The following LCLAT1 variants were observed in gnomAD, a reference collection of about 807,000 sequenced individuals.
LCLAT1 encodes the protein 1-AGP acyltransferase 8.
LCLAT1 carries 11 observed loss-of-function variants against 30.7 expected under a neutral mutation model. That is an observed-to-expected ratio of 0.36 (90% CI 0.23 to 0.59). LCLAT1 has a LOEUF of 0.59. Among genes scored for constraint, LCLAT1 ranks in the 20% least tolerant of loss-of-function variants. LCLAT1 has a pLI of 0.77. For missense variants in LCLAT1, 402 were observed against 458.6 expected (o/e 0.88, Z 1.13); for synonymous variants, 155 against 151.3 (o/e 1.02, Z -0.18).
intron 5 of LCLAT1, among the ~76,000 whole-genome samples, chr2:30,587,610 C>T (rs1666501172): frequency 6.6e-6 from 1 of 152,106 alleles, no homozygotes; most frequent in Non-Finnish European, 1.5e-5. Context: ...GGCTTATTAT[C>T]TAATTTGATT....
chr2:30,469,928 G>A (rs1467874549), intron 1 of LCLAT1, among the ~76,000 whole-genome samples: 3 of 151,932 alleles, frequency 2.0e-5, no homozygotes, highest in Non-Finnish European at 4.4e-5. Context: ...ATGGCGTTTC[G>A]CTGTGTTGGC....
intron 5 of LCLAT1, 135 bp from the exon 6 acceptor site, chr2:30,639,982 T>C (rs1572732561): frequency 4.3e-6 from 3 of 693,542 alleles, no homozygotes; most frequent in East Asian, 2.5e-5. Context: ...CACCAGTATC[T>C]CTAACCCTTG....
At chr2:30,631,379 A>T (rs1668763443) in intron 5 of LCLAT1, among the ~76,000 whole-genome samples, 1 of 152,226 alleles carries the variant, frequency 6.6e-6, no homozygotes, top group Admixed American at 6.5e-5. Flanking sequence ...TAGGGTTGCC[A>T]TGATTAGCTC....
Position 30,640,714 on chromosome 2 carries a change from A to G in LCLAT1, c.*95A>G. The G allele has an allele frequency of 1.5e-6, 2 of 1,372,868 alleles. No homozygotes were observed. Among genetic ancestry groups the G allele is most frequent in the East Asian group, 2.4e-5 (1 of 42,506 alleles). 85.0% of individuals were successfully genotyped at this position (1,372,868 alleles called of 1,614,324 possible). A position where few individuals can be genotyped will look rare whatever the true frequency, so the allele number is the denominator to read the frequency against. ...ATGCATTTTTGCATGACTATGTCGA[A>G]TATTTCTTACTGCCATCATTATTTG... On this transcript the variant is annotated 3_prime_UTR_variant, in exon 6 of 6. Transcript: ENST00000379509.
At chr2:30,604,564 C>T (rs538215117) in intron 5 of LCLAT1, among the ~76,000 whole-genome samples, 9 of 150,106 alleles carry the variant, frequency 6.0e-5, no homozygotes, top group East Asian at 2.0e-4. Flanking sequence ...ATTATACTTT[C>T]GCTTTTTTTC....
At chr2:30,454,060 G>C (rs1393800950) in intron 1 of LCLAT1, among the ~76,000 whole-genome samples, 1 of 152,120 alleles carries the variant, frequency 6.6e-6, no homozygotes, top group African/African-American at 2.4e-5. Flanking sequence ...AAAATATACT[G>C]TACTTGTGTG....
At chr2:30,629,896 A>G (rs185175304) in intron 5 of LCLAT1, among the ~76,000 whole-genome samples, 11 of 152,312 alleles carry the variant, frequency 7.2e-5, no homozygotes, top group African/African-American at 2.6e-4. Flanking sequence ...TGCACGAAAA[A>G]TAAATTATAT....
At chr2:30,521,099 C>T (rs530854068) in intron 1 of LCLAT1, among the ~76,000 whole-genome samples, 11 of 152,260 alleles carry the variant, frequency 7.2e-5, no homozygotes, top group African/African-American at 2.4e-4. Flanking sequence ...ACCAAGATGG[C>T]GACAAGAGTG....
At chr2:30,594,367 A>G (rs1666829842) in intron 5 of LCLAT1, among the ~76,000 whole-genome samples, 1 of 152,156 alleles carries the variant, frequency 6.6e-6, no homozygotes, top group South Asian at 2.1e-4. Flanking sequence ...TACACCCACC[A>G]CCTAGAGTCT....
chr2:30,577,882 A>G (rs1666062934), intron 5 of LCLAT1, among the ~76,000 whole-genome samples: 1 of 152,078 alleles, frequency 6.6e-6, no homozygotes, highest in Non-Finnish European at 1.5e-5. Flanking sequence ...AATATTTTTC[A>G]CTAAGAAATA....
intron 1 of LCLAT1, among the ~76,000 whole-genome samples, chr2:30,461,373 AT>A (rs963512563): frequency 2.6e-5 from 4 of 151,404 alleles, no homozygotes; most frequent in African/African-American, 9.7e-5. Flanking sequence ...TAAGACCTAG[AT>A]TTTTTTTTAT....
intron 1 of LCLAT1, among the ~76,000 whole-genome samples, chr2:30,467,104 G>C (rs13391492): frequency 3.3e-5 from 5 of 150,910 alleles, no homozygotes; most frequent in African/African-American, 1.2e-4. Context: ...CCGACCCCAC[G>C]ACAGGCCCCG....
rs1387756025 is a variant in LCLAT1, at chr2:30,641,365, C to T, written c.*746C>T. On this transcript the variant is annotated 3_prime_UTR_variant, in exon 6 of 6. Coordinates refer to ENST00000379509, the MANE Select transcript of LCLAT1 (RefSeq NM_001002257.3). ...CCTTTCTCACACTCAGTATTGCATG[C>T]TTAGTGCTGGTTTTCTTACAACATT... is the stretch of plus-strand genomic sequence containing the variant. 1 of 152,104 alleles carries T rather than the reference C, an allele frequency of 6.6e-6. No individual in the cohort carries two copies. Among genetic ancestry groups the T allele is most frequent in the Non-Finnish European group, 1.5e-5 (1 of 68,018 alleles). 9.4% of individuals were successfully genotyped at this position (152,104 alleles called of 1,614,324 possible).
chr2:30,474,013 G>A (rs1464836250), intron 1 of LCLAT1, among the ~76,000 whole-genome samples: 2 of 152,150 alleles, frequency 1.3e-5, no homozygotes, highest in East Asian at 3.8e-4. Context: ...AGAAAACTGT[G>A]TAATGTGTTA....
chr2:30,567,043 A>G (rs1665518921), intron 4 of LCLAT1, among the ~76,000 whole-genome samples: 1 of 152,222 alleles, frequency 6.6e-6, no homozygotes, highest in Non-Finnish European at 1.5e-5. Flanking sequence ...ATTGGATTTT[A>G]AAGAATGTTG....
rs1236234567 is a variant in LCLAT1 at position 30,568,195 on chromosome 2, A to G, written c.628+19A>G. 8.5e-6 allele frequency: 12 copies of G among 1,412,946 alleles called. No homozygotes were observed. Among genetic ancestry groups the G allele is most frequent in the Non-Finnish European group, 1.2e-5 (12 of 1,025,120 alleles). 87.5% of individuals were successfully genotyped at this position (1,412,946 alleles called of 1,614,324 possible). A position where few individuals can be genotyped will look rare whatever the true frequency, so the allele number is the denominator to read the frequency against. On this transcript the variant is annotated intron_variant, in intron 5 of 5. Coordinates refer to ENST00000379509, the MANE Select transcript of LCLAT1 (RefSeq NM_001002257.3). ...AGAGAAGGTAAGCACCCATTTCAAAATGTACTTTTTAATAAAAGTGGCAAA... is the reference window on the plus strand; with the variant it reads ...AGAGAAGGTAAGCACCCATTTCAAAGTGTACTTTTTAATAAAAGTGGCAAA...
chr2:30,452,146 T>G (rs948563916), intron 1 of LCLAT1, among the ~76,000 whole-genome samples: 1 of 152,114 alleles, frequency 6.6e-6, no homozygotes, highest in Non-Finnish European at 1.5e-5. Flanking sequence ...AGATGTGTGG[T>G]GGTTACATGG....
Position 30,568,043 on chromosome 2 carries a change from T to C in LCLAT1, c.512-17T>C, listed in dbSNP as rs1345194555. 1 of 1,263,238 alleles carries C rather than the reference T, an allele frequency of 7.9e-7. No individual in the cohort carries two copies. The allele number at this position is 1,263,238 out of a possible 1,614,324, so 78.3% of individuals were successfully genotyped here. On this transcript the variant is annotated splice_polypyrimidine_tract_variant and intron_variant, in intron 4 of 5. Transcript: ENST00000379509. ...CCCTTTAGTTTATGATTTATAATGGTCCATTGTTTTGTTTAGAAAACAGCA... is the reference window on the plus strand; with the variant it reads ...CCCTTTAGTTTATGATTTATAATGGCCCATTGTTTTGTTTAGAAAACAGCA...
intron 1 of LCLAT1, among the ~76,000 whole-genome samples, chr2:30,505,649 C>A (rs80301264): frequency 6.6e-6 from 1 of 152,122 alleles, no homozygotes; most frequent in East Asian, 1.9e-4. Context: ...CAGAGTATTA[C>A]CAAAATCTTA....
Sources: gnomAD v4.1 joint callset for allele counts (sites outside exome capture counted in the v4.1 genomes callset) on GRCh38, gnomAD v4.1.1 for gene constraint, MANE v1.5 for transcripts, NCBI Gene and HGNC (gene_info 2026-07-23, HGNC 2026-07-21) for gene names.